Variants in EDIL3 observed in about 807,000 individuals in gnomAD.
EDIL3 encodes the protein EGF like and discoidin domains 3.
EDIL3 carries 37 observed loss-of-function variants against 67.4 expected under a neutral mutation model. The observed-to-expected ratio is 0.55, with a 90% confidence interval of 0.42 to 0.72. EDIL3 has a LOEUF of 0.72. EDIL3 is among the 30% of genes least tolerant of loss of function. The pLI is 0.00. For synonymous variants in EDIL3, 195 were observed against 196.3 expected (o/e 0.99, Z 0.05); for missense variants, 527 against 586.3 (o/e 0.90, Z 1.04).
At chr5:84,140,131 T>A (rs1391736502) in intron 4 of EDIL3, among the ~76,000 whole-genome samples, 1 of 152,158 alleles carries the variant, frequency 6.6e-6, no homozygotes, top group African/African-American at 2.4e-5. Context: ...TGAAGCCATA[T>A]GTGAGATGGA....
chr5:84,147,056 C>G (rs1336141547), intron 4 of EDIL3, among the ~76,000 whole-genome samples: 1 of 152,008 alleles, frequency 6.6e-6, no homozygotes, highest in African/African-American at 2.4e-5. Flanking sequence ...TGACAGATCC[C>G]CTGCTTGGTA....
chr5:84,286,058 T>C (rs977094897), intron 1 of EDIL3, among the ~76,000 whole-genome samples: 17 of 152,208 alleles, frequency 1.1e-4, no homozygotes, highest in African/African-American at 3.9e-4. Flanking sequence ...ACTCTTGTCC[T>C]GTATCTTTAA....
chr5:84,115,287 G>C (rs1156467754), intron 5 of EDIL3, among the ~76,000 whole-genome samples: 1 of 152,070 alleles, frequency 6.6e-6, no homozygotes, highest in Non-Finnish European at 1.5e-5. Context: ...CAGCCATCTA[G>C]CTATTTCCTT....
At chr5:84,055,920 G>A (rs976716408) in intron 9 of EDIL3, among the ~76,000 whole-genome samples, 1 of 152,112 alleles carries the variant, frequency 6.6e-6, no homozygotes, top group Non-Finnish European at 1.5e-5. Context: ...CAGGGATCTA[G>A]AACTACAAAT....
At chr5:84,239,400 T>C (rs983868738) in intron 2 of EDIL3, among the ~76,000 whole-genome samples, 1 of 152,168 alleles carries the variant, frequency 6.6e-6, no homozygotes, top group African/African-American at 2.4e-5. Flanking sequence ...TCCAACATTG[T>C]AAAGAATTAA....
Position 84,112,096 on chromosome 5 carries a change from G to T in EDIL3, c.470-5266C>A, listed in dbSNP as rs1747575380. ...GGTTAAGAGATGAAGTGGAGAAGTA[G>T]AAAAATGCTAGATTATTTTGCAGAA... On this transcript the variant is annotated intron_variant, in intron 5 of 10. Coordinates refer to ENST00000296591, the MANE Select transcript of EDIL3 (RefSeq NM_005711.5). Among the ~76,000 whole-genome samples the T allele has an allele frequency of 4.6e-5, 7 of 152,178 alleles. No individual in the cohort carries two copies. The South Asian group carries it at 1.5e-3, about 32-fold the overall frequency.
intron 2 of EDIL3, among the ~76,000 whole-genome samples, chr5:84,247,075 A>G (rs1744922452): frequency 2.0e-5 from 3 of 152,174 alleles, no homozygotes; most frequent in Non-Finnish European, 4.4e-5. Flanking sequence ...GTTGACTGGA[A>G]AATTTCTTAG....
chr5:84,137,478 T>C (rs950815397), intron 4 of EDIL3, 124 bp from the exon 5 acceptor site: 1 of 731,844 alleles, frequency 1.4e-6, no homozygotes, highest in Non-Finnish European at 2.2e-6. Context: ...TGTGTAGGCA[T>C]GTGTGTGTTT....
chr5:84,137,438 A>C, intron 4 of EDIL3, 84 bp from the exon 5 acceptor site: 2 of 1,198,864 alleles, frequency 1.7e-6, no homozygotes, highest in Non-Finnish European at 2.4e-6. Context: ...TTGAAATACA[A>C]ATGTCTTAGT....
chr5:84,096,620 C>A (rs1191919810), intron 6 of EDIL3, among the ~76,000 whole-genome samples: 1 of 151,998 alleles, frequency 6.6e-6, no homozygotes, highest in East Asian at 1.9e-4. Context: ...TGGTTTTTTT[C>A]AGATGAGACT....
rs115824145 is a variant in EDIL3, at chr5:83,986,204, C to T, written c.1138-22844G>A. Among the ~76,000 whole-genome samples, 718 of 152,110 alleles carry T rather than the reference C, an allele frequency of 4.7e-3. 8 individuals are homozygous for T. Among genetic ancestry groups the T allele is most frequent in the African/African-American group, 0.017 (688 of 41,518 alleles). On this transcript the variant is annotated intron_variant, in intron 9 of 10. Transcript: ENST00000296591. ...TAAAGCAATAGCTAGTTTAAAAGAG[C>T]GCAGTCATCAAGCAATCCCCAATAC...
intron 3 of EDIL3, among the ~76,000 whole-genome samples, chr5:84,196,491 T>C (rs1210019299): frequency 6.6e-6 from 1 of 152,048 alleles, no homozygotes; most frequent in Non-Finnish European, 1.5e-5. Flanking sequence ...TAGCATGTAA[T>C]TTATTTGTCA....
intron 1 of EDIL3, among the ~76,000 whole-genome samples, chr5:84,378,484 T>C (rs1273166499): frequency 6.6e-6 from 1 of 152,192 alleles, no homozygotes; most frequent in African/African-American, 2.4e-5. Flanking sequence ...TTGGCATGTT[T>C]TACTGCTCTG....
intron 2 of EDIL3, among the ~76,000 whole-genome samples, chr5:84,235,004 G>A (rs918591355): frequency 1.3e-5 from 2 of 152,070 alleles, no homozygotes; most frequent in African/African-American, 4.8e-5. Flanking sequence ...GGAAGCAGAG[G>A]CATTACTAAA....
At chr5:84,141,237 TATAATA>T (rs1033776406) in intron 4 of EDIL3, among the ~76,000 whole-genome samples, 17 of 151,308 alleles carry the variant, frequency 1.1e-4, no homozygotes, top group African/African-American at 1.5e-4. Flanking sequence ...ATAGTTTATT[TATAATA>T]ATAATATCAT....
intron 9 of EDIL3, among the ~76,000 whole-genome samples, chr5:83,991,282 T>C (rs1330338957): frequency 6.6e-6 from 1 of 152,092 alleles, no homozygotes; most frequent in African/African-American, 2.4e-5. Flanking sequence ...ACAACATAAA[T>C]AGTAAGATCT....
At chr5:84,047,973 T>C (rs989740328) in intron 9 of EDIL3, 17 of 152,526 alleles carry the variant, frequency 1.1e-4, no homozygotes, top group African/African-American at 3.9e-4. Flanking sequence ...ATTCATGGTA[T>C]GTGGTTTAAA....
intron 6 of EDIL3, among the ~76,000 whole-genome samples, chr5:84,098,348 G>A (rs1278293229): frequency 2.0e-5 from 3 of 152,174 alleles, no homozygotes; most frequent in Non-Finnish European, 2.9e-5. Context: ...AGTACTCAAA[G>A]GTTTCATTTG....
chr5:84,252,319 G>A (rs777993928), intron 2 of EDIL3, among the ~76,000 whole-genome samples: 4 of 151,504 alleles, frequency 2.6e-5, no homozygotes, highest in South Asian at 2.1e-4. Flanking sequence ...GTGAAACCCC[G>A]TCTGTACTAA....
Sources: gnomAD v4.1 joint callset for allele counts (sites outside exome capture counted in the v4.1 genomes callset) on GRCh38, gnomAD v4.1.1 for gene constraint, MANE v1.5 for transcripts, NCBI Gene and HGNC (gene_info 2026-07-23, HGNC 2026-07-21) for gene names.